Variants in PPARG observed in about 807,000 individuals in gnomAD.
PPARG encodes peroxisome proliferator activated receptor gamma, also known as peroxisome proliferator-activated receptor gamma.
Under a neutral mutation model 39.2 loss-of-function variants are expected in PPARG, and 17 were observed. The observed-to-expected ratio is 0.43, with a 90% CI of 0.30 to 0.65. The LOEUF is 0.65. Ranked by LOEUF, PPARG falls within the 30% of genes least tolerant of loss-of-function variation. The pLI, the probability that PPARG is intolerant of heterozygous loss-of-function variation, is 0.13. For missense variants in PPARG, 406 were observed against 585.9 expected (o/e 0.69, Z 3.17); for synonymous variants, 223 against 215.7 (o/e 1.03, Z -0.30).
At chr3:12,301,345 A>G (rs2046921170) in intron 1 of PPARG, among the ~76,000 whole-genome samples, 1 of 152,216 alleles carries the variant, frequency 6.6e-6, no homozygotes, top group Non-Finnish European at 1.5e-5. Context: ...CTTACTACTC[A>G]TGCATAAAAT....
intron 1 of PPARG, among the ~76,000 whole-genome samples, chr3:12,302,108 A>T (rs918787518): frequency 3.9e-5 from 6 of 152,238 alleles, no homozygotes; most frequent in Non-Finnish European, 5.9e-5. Context: ...ATGCTACAGA[A>T]ATTCAGAGAA....
At chr3:12,348,600 A>G (rs111483764) in intron 2 of PPARG, among the ~76,000 whole-genome samples, 82 of 152,334 alleles carry the variant, frequency 5.4e-4, no homozygotes, top group African/African-American at 1.9e-3. Flanking sequence ...TTCTGTCTCC[A>G]AAGTCCTAGG....
chr3:12,393,849 TA>T (rs1165445092), intron 5 of PPARG, among the ~76,000 whole-genome samples: 1 of 152,262 alleles, frequency 6.6e-6, no homozygotes, highest in African/African-American at 2.4e-5. Flanking sequence ...ACTCATTGAT[TA>T]ATAACCTACC....
Position 12,338,117 on chromosome 3 carries a change from T to C in PPARG, c.-9+25664T>C, listed in dbSNP as rs546747573. On this transcript the variant is annotated intron_variant, in intron 2 of 7. Transcript: ENST00000651735. ...GATCTTAGATCCTAAACTAAAGGTTTGGAAGGCAATCATTATTCAGGCATA... is the reference window on the plus strand; with the variant it reads ...GATCTTAGATCCTAAACTAAAGGTTCGGAAGGCAATCATTATTCAGGCATA... Among the ~76,000 whole-genome samples the C allele has an allele frequency of 3.9e-5, 6 of 152,358 alleles. No individual in the cohort carries two copies. In the South Asian group the frequency reaches 1.2e-3, roughly 32 times the overall value.
chr3:12,393,385 A>G (rs1394804474), intron 5 of PPARG, among the ~76,000 whole-genome samples: 1 of 152,114 alleles, frequency 6.6e-6, no homozygotes, highest in Non-Finnish European at 1.5e-5. Context: ...AGTCAAGCTT[A>G]TGACTTTGGG....
rs190221658 is a variant in PPARG at position 12,371,505 on chromosome 3, G to A, written c.-8-8199G>A. ...AATTCTGTTACAGATTTAGTTCTTC[G>A]CATTTTATTCTGTGATAATTTGCCA... On this transcript the variant is annotated intron_variant, in intron 2 of 7. Transcript: ENST00000651735. Among the ~76,000 whole-genome samples, 59 of 152,212 alleles carry A rather than the reference G, an allele frequency of 3.9e-4. 1 individual carries two copies. Among genetic ancestry groups the A allele is most frequent in the African/African-American group, 1.3e-3 (53 of 41,538 alleles).
intron 2 of PPARG, among the ~76,000 whole-genome samples, chr3:12,359,044 G>T (rs2048754751): frequency 6.6e-6 from 1 of 152,040 alleles, no homozygotes; most frequent in Non-Finnish European, 1.5e-5. Flanking sequence ...ATTATTTCAG[G>T]ACATGTTAGT....
chr3:12,313,726 C>T (rs1253498393), intron 2 of PPARG, among the ~76,000 whole-genome samples: 2 of 152,234 alleles, frequency 1.3e-5, no homozygotes, highest in Admixed American at 1.3e-4. Context: ...AAAGAGCTCC[C>T]AGTGGCCAAA....
intron 7 of PPARG, among the ~76,000 whole-genome samples, chr3:12,432,082 G>A (rs1295772755): frequency 6.6e-6 from 1 of 152,158 alleles, no homozygotes; most frequent in Non-Finnish European, 1.5e-5. Context: ...AGCTATGGAA[G>A]AAAAATTAAA....
intron 2 of PPARG, chr3:12,351,785 G>A: frequency 1.2e-6 from 1 of 809,406 alleles, no homozygotes; most frequent in Non-Finnish European, 2.2e-6. Context: ...ACTATCATGT[G>A]TACACTCCAG....
At chr3:12,409,838 C>G (rs709150) in intron 6 of PPARG, among the ~76,000 whole-genome samples, 91,200 of 152,062 alleles carry the variant, frequency 0.6, 28,795 homozygotes, top group African/African-American at 0.8. Context: ...TAGAATGCGC[C>G]CTGCCCGCTC....
At chr3:12,394,826 T>C (rs1172081490) in intron 5 of PPARG, among the ~76,000 whole-genome samples, 1 of 152,228 alleles carries the variant, frequency 6.6e-6, no homozygotes, top group Non-Finnish European at 1.5e-5. Context: ...AATCCATTGC[T>C]TTGACCAATG....
At position 12,406,063 on chromosome 3, in the gene PPARG, A is replaced by G. The variant is rs1285473718; in HGVS notation, c.711A>G (p.Gly237=). The change falls in exon 6 of 8, where the codon GGA becomes GGG. Residue 237 remains glycine, a synonymous_variant. Coordinates refer to ENST00000651735, the MANE Select transcript of PPARG (RefSeq NM_138711.6). Reference sequence around the variant, plus strand: ...CAAAGGCGAGGGCGATCTTGACAGGAAAGACAACAGACAAATCAGTTAGTT... The same window carrying G: ...CAAAGGCGAGGGCGATCTTGACAGGGAAGACAACAGACAAATCAGTTAGTT... ...TKAKARAILT[G]KTTDKSPFVI... 6 of 1,614,000 alleles carry G rather than the reference A, an allele frequency of 3.7e-6. No homozygotes were observed. In the African/African-American group the frequency reaches 8.0e-5, roughly 22 times the overall value.
chr3:12,289,596 C>A (rs989390883), intron 1 of PPARG, among the ~76,000 whole-genome samples: 2 of 152,146 alleles, frequency 1.3e-5, no homozygotes, highest in East Asian at 3.9e-4. Flanking sequence ...AGGACCTGGG[C>A]AAATCTTCGA....
intron 2 of PPARG, among the ~76,000 whole-genome samples, chr3:12,374,768 A>G (rs1477748312): frequency 6.6e-6 from 1 of 152,064 alleles, no homozygotes; most frequent in Non-Finnish European, 1.5e-5. Flanking sequence ...CATGCTTTGT[A>G]GAGAGGGGAC....
intron 6 of PPARG, among the ~76,000 whole-genome samples, chr3:12,411,241 T>C (rs1052185606): frequency 2.6e-5 from 4 of 152,200 alleles, no homozygotes; most frequent in African/African-American, 7.2e-5. Flanking sequence ...GCCAATACCC[T>C]TGTTTGCCTG....
chr3:12,357,981 A>G (rs1279161502), intron 2 of PPARG, among the ~76,000 whole-genome samples: 1 of 152,252 alleles, frequency 6.6e-6, no homozygotes, highest in Non-Finnish European at 1.5e-5. Context: ...ACTGGAATAT[A>G]TTTAGCAAAT....
intron 2 of PPARG, among the ~76,000 whole-genome samples, chr3:12,364,150 C>T (rs1323394182): frequency 1.3e-5 from 2 of 152,190 alleles, no homozygotes; most frequent in African/African-American, 4.8e-5. Context: ...CACATATCCA[C>T]CATTGTAGTG....
intron 2 of PPARG, among the ~76,000 whole-genome samples, chr3:12,374,011 C>T (rs2049316951): frequency 6.6e-6 from 1 of 152,052 alleles, no homozygotes; most frequent in African/African-American, 2.4e-5. Flanking sequence ...GTATGATATG[C>T]CCAGCCACCA....
Sources: gnomAD v4.1 joint callset for allele counts (sites outside exome capture counted in the v4.1 genomes callset) on GRCh38, gnomAD v4.1.1 for gene constraint, MANE v1.5 for transcripts, NCBI Gene and HGNC (gene_info 2026-07-23, HGNC 2026-07-21) for gene names.